Variants in AUTS2 observed in about 807,000 individuals in gnomAD.
The protein encoded by AUTS2 is autism susceptibility gene 2 protein.
In AUTS2, 17 loss-of-function variants were observed where a neutral mutation model predicts 112.4. That is an observed-to-expected ratio of 0.15 (90% CI 0.10 to 0.23). The LOEUF is 0.23. AUTS2 is among the 10% of genes least tolerant of loss of function. The probability of loss-of-function intolerance (pLI) is 1.00; values close to 1 mark genes in which losing one functional copy is unlikely to be tolerated. For synonymous variants in AUTS2, 751 were observed against 702.7 expected, an observed-to-expected ratio of 1.07 and a Z score of -1.09; for missense variants, 1,510 against 1,701.6, an observed-to-expected ratio of 0.89 and a Z score of 1.98.
chr7:70,771,340 G>A (rs2129558264), intron 10 of AUTS2: 3 of 392,654 alleles, frequency 7.6e-6, no homozygotes, highest in Middle Eastern at 1.1e-3. Context: ...TCATTTGCTG[G>A]CTGATTGATC....
chr7:70,182,694 G>A (rs183065757), intron 4 of AUTS2, among the ~76,000 whole-genome samples: 28 of 151,636 alleles, frequency 1.8e-4, no homozygotes, highest in East Asian at 1.4e-3. Flanking sequence ...CTTACTAACC[G>A]AGCAACCATT....
chr7:70,020,020 G>A (rs1800202204), intron 2 of AUTS2, among the ~76,000 whole-genome samples: 1 of 152,158 alleles, frequency 6.6e-6, no homozygotes, highest in African/African-American at 2.4e-5. Context: ...AGATAGGGGA[G>A]AAAGGTAAAA....
At chr7:70,526,171 T>G (rs1799832308) in intron 5 of AUTS2, among the ~76,000 whole-genome samples, 2 of 152,206 alleles carry the variant, frequency 1.3e-5, no homozygotes, top group Non-Finnish European at 1.5e-5. Context: ...TCCTTTCCAC[T>G]AATGTAGCTC....
intron 2 of AUTS2, among the ~76,000 whole-genome samples, chr7:70,072,416 A>G (rs1323988087): frequency 2.0e-5 from 3 of 152,190 alleles, no homozygotes; most frequent in Non-Finnish European, 4.4e-5. Context: ...GTCCTCTAGT[A>G]GAATAAGAAC....
At chr7:70,541,076 TC>T (rs1197315962) in intron 5 of AUTS2, among the ~76,000 whole-genome samples, 2 of 152,086 alleles carry the variant, frequency 1.3e-5, no homozygotes, top group Non-Finnish European at 2.9e-5. Flanking sequence ...CTAAATCCAG[TC>T]CCCTTTCTAC....
chr7:69,907,747 A>G (rs948866226), intron 2 of AUTS2, among the ~76,000 whole-genome samples: 3 of 152,202 alleles, frequency 2.0e-5, no homozygotes, highest in Non-Finnish European at 2.9e-5. Flanking sequence ...AAACATTTTC[A>G]TATGATACAA....
chr7:70,290,301 C>A, intron 4 of AUTS2: 1 of 1,370,726 alleles, frequency 7.3e-7, no homozygotes, highest in Non-Finnish European at 9.5e-7. Context: ...ACATTTAGCA[C>A]AGTATTATAT....
At chr7:70,529,181 A>C (rs2129497331) in intron 5 of AUTS2, among the ~76,000 whole-genome samples, 1 of 152,342 alleles carries the variant, frequency 6.6e-6, no homozygotes, top group East Asian at 1.9e-4. Flanking sequence ...AAACTGAACT[A>C]CTTTGCAATT....
intron 1 of AUTS2, among the ~76,000 whole-genome samples, chr7:69,605,888 T>C (rs1314597341): frequency 6.6e-6 from 1 of 152,200 alleles, no homozygotes; most frequent in African/African-American, 2.4e-5. Flanking sequence ...TGTGTGTGGT[T>C]ATGAATTCAA....
intron 5 of AUTS2, among the ~76,000 whole-genome samples, chr7:70,563,606 C>T (rs1396898033): frequency 1.3e-5 from 2 of 152,124 alleles, no homozygotes; most frequent in Non-Finnish European, 2.9e-5. Flanking sequence ...AGGAGAAGAG[C>T]CTCACTTCCC....
At chr7:69,759,263 T>C (rs976713732) in intron 1 of AUTS2, among the ~76,000 whole-genome samples, 2 of 152,102 alleles carry the variant, frequency 1.3e-5, no homozygotes, top group African/African-American at 4.8e-5. Context: ...GATTTTTTTT[T>C]TCCGAGTTTG....
At chr7:70,646,674 C>T (rs1392246145) in intron 5 of AUTS2, among the ~76,000 whole-genome samples, 4 of 152,242 alleles carry the variant, frequency 2.6e-5, no homozygotes, top group Admixed American at 2.0e-4. Flanking sequence ...GCCATTTGTG[C>T]GGCATCGAAC....
intron 4 of AUTS2, among the ~76,000 whole-genome samples, chr7:70,345,613 G>A (rs1312870352): frequency 6.6e-6 from 1 of 152,092 alleles, no homozygotes; most frequent in Non-Finnish European, 1.5e-5. Flanking sequence ...ACTATGAAAA[G>A]TAGACTATGT....
intron 2 of AUTS2, among the ~76,000 whole-genome samples, chr7:70,082,380 A>G (rs570434084): frequency 6.6e-6 from 1 of 152,328 alleles, no homozygotes; most frequent in South Asian, 2.1e-4. Context: ...AGCAGGAGTC[A>G]GGCTAAGATC....
chr7:70,771,724 C>T, intron 11 of AUTS2, 80 bp downstream of exon 11: 2 of 1,275,528 alleles, frequency 1.6e-6, no homozygotes, highest in Non-Finnish European at 2.3e-6. Flanking sequence ...GTTCTGCGTC[C>T]TCTTGCCTGT....
intron 5 of AUTS2, among the ~76,000 whole-genome samples, chr7:70,577,063 C>T (rs1225783491): frequency 6.6e-6 from 1 of 152,174 alleles, no homozygotes; most frequent in African/African-American, 2.4e-5. Context: ...GACACCAATG[C>T]CAGGACTTTT....
chr7:70,211,216 AT>A (rs1256925413), intron 4 of AUTS2, among the ~76,000 whole-genome samples: 3 of 151,860 alleles, frequency 2.0e-5, no homozygotes, highest in Admixed American at 6.6e-5. Context: ...AATCCTATGT[AT>A]TTCCCCTTAT....
chr7:70,250,682 G>A (rs1786544138), intron 4 of AUTS2, among the ~76,000 whole-genome samples: 1 of 152,200 alleles, frequency 6.6e-6, no homozygotes, highest in Admixed American at 6.5e-5. Flanking sequence ...ACACCATGCA[G>A]CCACTAAAGA....
chr7:70,643,908 A>C (rs1393399751), intron 5 of AUTS2, among the ~76,000 whole-genome samples: 3 of 152,030 alleles, frequency 2.0e-5, no homozygotes, highest in Non-Finnish European at 4.4e-5. Flanking sequence ...GGCTCAGTCC[A>C]TCCCTCCCTT....
Sources: allele counts gnomAD v4.1 joint callset (sites outside exome capture counted in the v4.1 genomes callset), GRCh38; gene constraint gnomAD v4.1.1; transcripts MANE v1.5; gene names NCBI Gene and HGNC (gene_info 2026-07-23, HGNC 2026-07-21).